Variants in THSD7B observed in about 807,000 individuals in gnomAD.
THSD7B encodes thrombospondin type-1 domain-containing protein 7B.
THSD7B carries 138 observed loss-of-function variants against 213.6 expected under a neutral mutation model. That is an observed-to-expected ratio of 0.65 (90% CI 0.56 to 0.74). The LOEUF is 0.74. Among genes scored for constraint, THSD7B ranks in the 30% least tolerant of loss-of-function variants. THSD7B has a pLI of 0.00. For missense variants in THSD7B, 1,931 were observed against 1,991.5 expected (o/e 0.97, Z 0.58); for synonymous variants, 742 against 687.0 (o/e 1.08, Z -1.25).
chr2:137,500,748 G>T (rs1026455773), intron 15 of THSD7B, among the ~76,000 whole-genome samples: 1 of 152,144 alleles, frequency 6.6e-6, no homozygotes. Context: ...ATTTCATTTT[G>T]TTTATGCACA....
At chr2:137,379,701 T>C (rs577427904) in intron 12 of THSD7B, among the ~76,000 whole-genome samples, 5 of 152,320 alleles carry the variant, frequency 3.3e-5, no homozygotes, top group African/African-American at 1.2e-4. Flanking sequence ...TATGAATATG[T>C]AGAGTGGTTG....
intron 7 of THSD7B, among the ~76,000 whole-genome samples, chr2:137,204,593 C>A (rs895681394): frequency 3.9e-5 from 6 of 152,116 alleles, no homozygotes; most frequent in Non-Finnish European, 8.8e-5. Flanking sequence ...TTTGGAAGGA[C>A]ACCATTTCAG....
chr2:137,323,394 T>A (rs1558757872), intron 12 of THSD7B, among the ~76,000 whole-genome samples: 1 of 152,320 alleles, frequency 6.6e-6, no homozygotes, highest in East Asian at 1.9e-4. Context: ...CCTCTTGTAT[T>A]CCTATGAAGT....
intron 1 of THSD7B, among the ~76,000 whole-genome samples, chr2:136,779,256 T>C (rs369692273): frequency 2.6e-5 from 4 of 151,008 alleles, no homozygotes; most frequent in African/African-American, 9.7e-5. Context: ...TTTTTTAATG[T>C]CAAGTCCTTG....
intron 15 of THSD7B, among the ~76,000 whole-genome samples, chr2:137,457,610 T>C (rs1236332989): frequency 1.3e-5 from 2 of 152,214 alleles, no homozygotes; most frequent in Non-Finnish European, 2.9e-5. Flanking sequence ...AACTGTCTTC[T>C]TAACCAAGTG....
chr2:137,567,977 AAG>A (rs1369572473), intron 16 of THSD7B, among the ~76,000 whole-genome samples: 1 of 152,142 alleles, frequency 6.6e-6, no homozygotes, highest in Non-Finnish European at 1.5e-5. Flanking sequence ...AAGTGAGACT[AAG>A]AAAAAAACTG....
intron 14 of THSD7B, among the ~76,000 whole-genome samples, chr2:137,443,461 C>T (rs1328761227): frequency 6.6e-6 from 1 of 152,090 alleles, no homozygotes; most frequent in Non-Finnish European, 1.5e-5. Context: ...TTATTTGTAT[C>T]ATACAACATA....
At chr2:137,213,980 A>C (rs1681178304) in intron 7 of THSD7B, among the ~76,000 whole-genome samples, 1 of 152,138 alleles carries the variant, frequency 6.6e-6, no homozygotes, top group Non-Finnish European at 1.5e-5. Flanking sequence ...TTCAGAAGCC[A>C]TGAAGCCATA....
intron 21 of THSD7B, among the ~76,000 whole-genome samples, chr2:137,647,061 C>T (rs771208672): frequency 5.9e-5 from 9 of 152,162 alleles, no homozygotes; most frequent in Non-Finnish European, 1.2e-4. Context: ...CCTTGATGCC[C>T]AACAGCTGCT....
intron 12 of THSD7B, among the ~76,000 whole-genome samples, chr2:137,300,995 A>T (rs1683586423): frequency 6.6e-6 from 1 of 152,106 alleles, no homozygotes. Flanking sequence ...GCTAATTATG[A>T]AGTCCCTTAT....
At chr2:136,866,897 T>C (rs900337158) in intron 1 of THSD7B, among the ~76,000 whole-genome samples, 2 of 152,100 alleles carry the variant, frequency 1.3e-5, no homozygotes, top group Non-Finnish European at 2.9e-5. Flanking sequence ...TAATTGGTAA[T>C]CAATTTTCCA....
rs375165713 is a variant in THSD7B at position 137,567,133 on chromosome 2, C to CTATTTTATTTTATTTTATTT, written c.3272+3811_3272+3830dup. On this transcript the variant is annotated intron_variant, in intron 16 of 27. Coordinates refer to ENST00000409968, the MANE Select transcript of THSD7B (RefSeq NM_001316349.2). ...GTTTGATGTGGGGGAGTGACATGCT[C>CTATTTTATTTTATTTTATTT]TATTTTATTTTATTTTATTTTATTT... is the stretch of plus-strand genomic sequence containing the variant. Among the ~76,000 whole-genome samples, 459 of 137,676 alleles carry CTATTTTATTTTATTTTATTT rather than the reference C, an allele frequency of 3.3e-3. 1 individual carries two copies. Among genetic ancestry groups the CTATTTTATTTTATTTTATTT allele is most frequent in the East Asian group, 4.8e-3 (23 of 4,770 alleles). 90.3% of individuals were successfully genotyped at this position (137,676 alleles called of 152,430 possible).
At position 137,056,917 on chromosome 2, in the gene THSD7B, G is replaced by C. The variant is rs748195306; in HGVS notation, c.637G>C (p.Gly213Arg). Residue 213 changes from glycine (G) to arginine (R), a missense_variant, in exon 3 of 28, where the codon GGT (glycine) becomes CGT (arginine). Coordinates refer to ENST00000409968, the MANE Select transcript of THSD7B (RefSeq NM_001316349.2). The part of the protein sequence containing the change: ...TRAVIAPPLF[G>R]GLQCPNLTES... The stretch of plus-strand genomic sequence containing the variant: ...CGCGGTCATAGCTCCCCCTCTCTTT[G>C]GTGGTTTGCAATGTCCAAATCTGAC... The C allele has an allele frequency of 6.2e-7, 1 of 1,613,866 alleles. No homozygotes were observed. Among genetic ancestry groups the C allele is most frequent in the South Asian group, 1.1e-5 (1 of 91,076 alleles).
intron 14 of THSD7B, among the ~76,000 whole-genome samples, chr2:137,440,263 A>G (rs377013001): frequency 1.1e-4 from 17 of 152,176 alleles, no homozygotes; most frequent in African/African-American, 4.1e-4. Flanking sequence ...CTTTTTCATT[A>G]TATAATTTCC....
intron 3 of THSD7B, among the ~76,000 whole-genome samples, chr2:137,086,188 T>C (rs1687838224): frequency 1.3e-5 from 2 of 151,974 alleles, no homozygotes; most frequent in African/African-American, 4.8e-5. Flanking sequence ...AATACAAAAA[T>C]TAGCTGGGCG....
rs143885822 is a variant in THSD7B, at chr2:137,521,190, C to A, written c.3139-42031C>A. Among the ~76,000 whole-genome samples the A allele has an allele frequency of 3.9e-5, 6 of 152,132 alleles. No homozygotes were observed. In the East Asian group the frequency reaches 9.7e-4, roughly 25 times the overall value. On this transcript the variant is annotated intron_variant, in intron 15 of 27. Transcript: ENST00000409968. Reference sequence around the variant, plus strand: ...GATCCAGAGATTTGAGCACTCTGTCCCCACCCCAGATTATGAGATTCTATA... The same window carrying A: ...GATCCAGAGATTTGAGCACTCTGTCACCACCCCAGATTATGAGATTCTATA...
At chr2:136,972,956 A>G (rs1685427487) in intron 2 of THSD7B, among the ~76,000 whole-genome samples, 1 of 151,750 alleles carries the variant, frequency 6.6e-6, no homozygotes, top group South Asian at 2.1e-4. Context: ...TCTTCTCCTC[A>G]CTCCCCACAA....
chr2:137,114,889 G>A (rs988978386), intron 4 of THSD7B, among the ~76,000 whole-genome samples: 3 of 151,472 alleles, frequency 2.0e-5, no homozygotes, highest in Admixed American at 6.6e-5. Flanking sequence ...TCCATATCAC[G>A]TTCCTTTAGT....
intron 2 of THSD7B, among the ~76,000 whole-genome samples, chr2:136,983,350 G>GACAC (rs1440218135): frequency 1.1e-4 from 6 of 53,080 alleles, no homozygotes; most frequent in African/African-American, 4.7e-4. Context: ...CACACACACA[G>GACAC]ACACACAGAC....
Sources: gnomAD v4.1 joint callset for allele counts (sites outside exome capture counted in the v4.1 genomes callset) on GRCh38, gnomAD v4.1.1 for gene constraint, MANE v1.5 for transcripts, NCBI Gene and HGNC (gene_info 2026-07-23, HGNC 2026-07-21) for gene names.